NLK: variants seen among roughly 807,000 people sequenced by gnomAD.
The protein encoded by NLK is nemo like kinase, also known as serine/threonine-protein kinase NLK.
In NLK, 11 loss-of-function variants were observed where a neutral mutation model predicts 59.0. That is an observed-to-expected ratio of 0.19 (90% CI 0.12 to 0.31). NLK has a LOEUF of 0.31. Among genes scored for constraint, NLK ranks in the 10% least tolerant of loss-of-function variants. The pLI, the probability that NLK is intolerant of heterozygous loss-of-function variation, is 1.00. For synonymous variants in NLK, 235 were observed against 235.9 expected (o/e 1.00, Z 0.03); for missense variants, 410 against 661.1 (o/e 0.62, Z 4.16).
chr17:28,097,063 T>C (rs1904726608), intron 1 of NLK, among the ~76,000 whole-genome samples: 1 of 152,214 alleles, frequency 6.6e-6, no homozygotes, highest in Non-Finnish European at 1.5e-5. Flanking sequence ...GTAAGTTTTA[T>C]TCTTTTTCCA....
intron 1 of NLK, among the ~76,000 whole-genome samples, chr17:28,099,568 CTTTTT>C (rs945214545): frequency 4.9e-5 from 6 of 122,968 alleles, no homozygotes; most frequent in African/African-American, 2.0e-4. Flanking sequence ...TTGTGTTTGA[CTTTTT>C]TTTTTTTTTT....
intron 2 of NLK, among the ~76,000 whole-genome samples, chr17:28,130,928 T>G (rs548126217): frequency 2.5e-4 from 38 of 152,140 alleles, no homozygotes; most frequent in African/African-American, 8.9e-4. Flanking sequence ...ATGAAAAAAA[T>G]TACTCTTCAA....
At chr17:28,197,214 AT>A (rs1030286615), downstream of NLK, among the ~76,000 whole-genome samples, 5 of 152,144 alleles carry the variant, frequency 3.3e-5, no homozygotes, top group African/African-American at 1.2e-4. Context: ...TACACCTGTA[AT>A]CTCAGCACTT....
chr17:28,163,502 A>G, intron 4 of NLK, 41 bp from the exon 5 acceptor site: 2 of 1,164,564 alleles, frequency 1.7e-6, no homozygotes, highest in Non-Finnish European at 2.5e-6. Context: ...GTTGAGTAAA[A>G]GGAATTAAAT....
chr17:28,193,086 A>G lies in NLK; in HGVS notation c.1529+873A>G, dbSNP rs564402190. Among the ~76,000 whole-genome samples, 181 of 152,296 alleles carry G rather than the reference A, an allele frequency of 1.2e-3. 1 individual carries two copies. The highest frequency in any genetic ancestry group is 5.2e-3 in the Admixed American group (80 of 15,280). On this transcript the variant is annotated intron_variant, in intron 10 of 10. Coordinates refer to ENST00000407008, the MANE Select transcript of NLK (RefSeq NM_016231.5). ...ATCAGGGTCTAATCGGGAGAAATAA[A>G]CCACTTCCCTAGAATACAAACGGGG...
intron 2 of NLK, among the ~76,000 whole-genome samples, chr17:28,124,772 G>A (rs564840317): frequency 6.6e-6 from 1 of 152,142 alleles, no homozygotes; most frequent in African/African-American, 2.4e-5. Flanking sequence ...ACTCGGGGCC[G>A]GGCGCAGTAG....
chr17:28,073,387 GC>G (rs966952488), intron 1 of NLK, among the ~76,000 whole-genome samples: 109 of 152,162 alleles, frequency 7.2e-4, no homozygotes, highest in African/African-American at 2.6e-3. Flanking sequence ...TAAAACCTAG[GC>G]TTTTGTCCAC....
In NLK at chr17:28,082,198, C is replaced by T. The variant is rs141922447; in HGVS notation, c.458+38867C>T. ...GATTACAGGCATGAGCCACTGCGCC[C>T]GGCCTGAAATTCACGTTGTTTTTTA... On this transcript the variant is annotated intron_variant, in intron 1 of 10. Coordinates refer to ENST00000407008, the MANE Select transcript of NLK (RefSeq NM_016231.5). Among the ~76,000 whole-genome samples, 61 of 152,294 alleles carry T rather than the reference C, an allele frequency of 4.0e-4. No homozygotes were observed. The South Asian group carries it at 6.4e-3, about 16-fold the overall frequency.
chr17:28,098,675 CTTTTTTTTTT>C (rs781294029), intron 1 of NLK, among the ~76,000 whole-genome samples: 3 of 67,572 alleles, frequency 4.4e-5, no homozygotes, highest in East Asian at 8.7e-4. Flanking sequence ...CATTACCATT[CTTTTTTTTTT>C]TTTTTTTTTT....
At chr17:28,112,373 C>T (rs1021707898) in intron 1 of NLK, among the ~76,000 whole-genome samples, 3 of 152,112 alleles carry the variant, frequency 2.0e-5, no homozygotes, top group Admixed American at 1.3e-4. Context: ...GTTTTGTAGC[C>T]AGCCTTGCCC....
chr17:28,070,318 A>C (rs1239591113), intron 1 of NLK, among the ~76,000 whole-genome samples: 2 of 150,166 alleles, frequency 1.3e-5, no homozygotes, highest in African/African-American at 4.9e-5. Flanking sequence ...TAAGGTTTTA[A>C]TTTTTATGTT....
chr17:28,076,011 CT>C (rs921495676), intron 1 of NLK, among the ~76,000 whole-genome samples: 4 of 152,022 alleles, frequency 2.6e-5, no homozygotes, highest in African/African-American at 7.2e-5. Flanking sequence ...TTTTGTTGTC[CT>C]TTTTTTGTAT....
intron 10 of NLK, among the ~76,000 whole-genome samples, chr17:28,192,855 C>A (rs942812166): frequency 6.6e-6 from 1 of 152,134 alleles, no homozygotes. Flanking sequence ...GTTCCCACTA[C>A]CATTCTCACT....
chr17:28,145,074 T>G (rs1907188976), intron 3 of NLK, among the ~76,000 whole-genome samples: 1 of 152,224 alleles, frequency 6.6e-6, no homozygotes, highest in Non-Finnish European at 1.5e-5. Context: ...TCTTTGGCAG[T>G]GGGTTTAAAA....
chr17:28,122,819 C>A, intron 2 of NLK, 87 bp downstream of exon 2: 4 of 1,466,350 alleles, frequency 2.7e-6, no homozygotes, highest in Non-Finnish European at 2.8e-6. Context: ...TAAAAGGGCA[C>A]CTATAAGTAA....
intron 1 of NLK, among the ~76,000 whole-genome samples, chr17:28,085,966 T>G (rs1910502669): frequency 6.6e-6 from 1 of 152,160 alleles, no homozygotes; most frequent in African/African-American, 2.4e-5. Flanking sequence ...GTAAGTACAC[T>G]CTATGACATC....
At position 28,179,584 on chromosome 17, in the gene NLK, G is replaced by T. The variant is rs909488242; in HGVS notation, c.1150-5595G>T. 5.9e-5 allele frequency among the ~76,000 whole-genome samples: 9 copies of T among 151,900 alleles called. 1 individual carries two copies. The highest frequency in any genetic ancestry group is 2.2e-4 in the African/African-American group (9 of 41,362). ...TGTCTCTACTAAAAATACAAAGAAA[G>T]TTAGCCAGGCATGGTGGCAGACACC... On this transcript the variant is annotated intron_variant, in intron 7 of 10. Coordinates refer to ENST00000407008, the MANE Select transcript of NLK (RefSeq NM_016231.5).
chr17:28,172,449 A>G (rs1908502048), intron 6 of NLK, 68 bp from the exon 7 acceptor site: 2 of 1,078,572 alleles, frequency 1.9e-6, no homozygotes, highest in Non-Finnish European at 2.6e-6. Context: ...CTCTAAGGCT[A>G]TGATTTAAGA....
intron 1 of NLK, among the ~76,000 whole-genome samples, chr17:28,109,502 C>T (rs1362351300): frequency 6.6e-6 from 1 of 152,038 alleles, no homozygotes; most frequent in East Asian, 1.9e-4. Flanking sequence ...TTTTCATCAC[C>T]CCAAAGACTT....
Sources: allele counts gnomAD v4.1 joint callset (sites outside exome capture counted in the v4.1 genomes callset), GRCh38; gene constraint gnomAD v4.1.1; transcripts MANE v1.5; gene names NCBI Gene and HGNC (gene_info 2026-07-23, HGNC 2026-07-21).